The following RCAN2 variants were observed in gnomAD, a reference collection of about 807,000 sequenced individuals.
RCAN2 encodes the protein regulator of calcineurin 2, also known as calcipressin-2.
RCAN2 carries 9 observed loss-of-function variants against 23.6 expected under a neutral mutation model. The observed-to-expected ratio is 0.38, with a 90% CI of 0.23 to 0.67. The LOEUF is 0.67. RCAN2 is among the 30% of genes least tolerant of loss of function. The pLI, the probability that RCAN2 is intolerant of heterozygous loss-of-function variation, is 0.51. For synonymous variants in RCAN2, 109 were observed against 115.7 expected (o/e 0.94, Z 0.37); for missense variants, 273 against 302.3 (o/e 0.90, Z 0.72).
intron 4 of RCAN2, among the ~76,000 whole-genome samples, chr6:46,230,743 AC>A: frequency 6.6e-6 from 1 of 152,160 alleles, no homozygotes; most frequent in South Asian, 2.1e-4. Flanking sequence ...GTGATGCCCC[AC>A]CCTGCTCTGT....
At chr6:46,336,763 T>C (rs1764157074) in intron 2 of RCAN2, among the ~76,000 whole-genome samples, 1 of 152,228 alleles carries the variant, frequency 6.6e-6, no homozygotes, top group South Asian at 2.1e-4. Flanking sequence ...TTGTAAATGT[T>C]GGTGACTCCA....
intron 2 of RCAN2, among the ~76,000 whole-genome samples, chr6:46,302,815 T>C (rs1285338278): frequency 6.6e-6 from 1 of 152,052 alleles, no homozygotes; most frequent in Non-Finnish European, 1.5e-5. Context: ...TCTCATTTAG[T>C]GCTTACAACA....
At chr6:46,320,705 T>G (rs2150361836) in intron 2 of RCAN2, among the ~76,000 whole-genome samples, 1 of 152,282 alleles carries the variant, frequency 6.6e-6, no homozygotes, top group South Asian at 2.1e-4. Flanking sequence ...ATGAGTGACC[T>G]TAAAAAGGCC....
At chr6:46,359,292 A>G (rs1764928452) in intron 2 of RCAN2, among the ~76,000 whole-genome samples, 1 of 152,244 alleles carries the variant, frequency 6.6e-6, no homozygotes. Context: ...ATAGTAGCAC[A>G]GGGCTGTAAT....
chr6:46,287,005 CA>C lies in RCAN2; in HGVS notation c.226-38110del, dbSNP rs1346419245. 5.3e-3 allele frequency among the ~76,000 whole-genome samples: 733 copies of C among 139,212 alleles called. 3 individuals are homozygous for C. The highest frequency in any genetic ancestry group is 0.019 in the Admixed American group (265 of 13,970). 91.3% of individuals were successfully genotyped at this position (139,212 alleles called of 152,430 possible). On this transcript the variant is annotated intron_variant, in intron 2 of 4. Transcript: ENST00000371374. ...GGGCAACAAGAGTGAAACTCTATCTCAAAAAAAAAAAAGAAAGAAAGAGCAC... is the reference window on the plus strand; with the variant it reads ...GGGCAACAAGAGTGAAACTCTATCTCAAAAAAAAAAAGAAAGAAAGAGCAC...
rs191656034 is a variant in RCAN2, at chr6:46,288,520, A to G, written c.226-39624T>C. Among the ~76,000 whole-genome samples, 827 of 152,326 alleles carry G rather than the reference A, an allele frequency of 5.4e-3. 5 individuals carry two copies. Among genetic ancestry groups the G allele is most frequent in the African/African-American group, 0.018 (762 of 41,582 alleles). On this transcript the variant is annotated intron_variant, in intron 2 of 4. Coordinates refer to ENST00000371374, the MANE Select transcript of RCAN2 (RefSeq NM_001251974.2). Reference sequence around the variant, plus strand: ...TAATAGAGGGGAGAATCCTCAACCTATGGATGATTTGAGGCTAAACAGACT... The same window carrying G: ...TAATAGAGGGGAGAATCCTCAACCTGTGGATGATTTGAGGCTAAACAGACT...
chr6:46,414,330 A>C (rs1038882243), intron 2 of RCAN2, among the ~76,000 whole-genome samples: 11 of 152,188 alleles, frequency 7.2e-5, no homozygotes, highest in African/African-American at 2.4e-4. Context: ...AAGTGCTTAA[A>C]GTTTTCAGAC....
At chr6:46,287,890 C>T (rs1480233996) in intron 2 of RCAN2, among the ~76,000 whole-genome samples, 2 of 152,222 alleles carry the variant, frequency 1.3e-5, no homozygotes, top group Non-Finnish European at 2.9e-5. Context: ...TCCTACCTCA[C>T]TGGGTTAGTA....
intron 4 of RCAN2, among the ~76,000 whole-genome samples, chr6:46,242,263 C>A (rs2150314605): frequency 6.6e-6 from 1 of 152,286 alleles, no homozygotes; most frequent in South Asian, 2.1e-4. Flanking sequence ...TCTGAGAGGT[C>A]ACCAATATTC....
At chr6:46,347,558 A>G (rs1478974632) in intron 2 of RCAN2, among the ~76,000 whole-genome samples, 1 of 152,228 alleles carries the variant, frequency 6.6e-6, no homozygotes, top group African/African-American at 2.4e-5. Flanking sequence ...CTCAACCAAA[A>G]TGTAAAAAGT....
intron 2 of RCAN2, among the ~76,000 whole-genome samples, chr6:46,343,696 CT>C (rs1343943743): frequency 2.6e-5 from 4 of 152,090 alleles, no homozygotes; most frequent in African/African-American, 9.7e-5. Context: ...TTGATAGTAT[CT>C]TTAAAAGTTA....
At chr6:46,426,835 C>T (rs1234436464) in intron 2 of RCAN2, among the ~76,000 whole-genome samples, 1 of 152,150 alleles carries the variant, frequency 6.6e-6, no homozygotes, top group Non-Finnish European at 1.5e-5. Context: ...GTAACTTGCT[C>T]AAGGTCACAC....
At chr6:46,334,851 T>C (rs1764091395) in intron 2 of RCAN2, among the ~76,000 whole-genome samples, 1 of 152,224 alleles carries the variant, frequency 6.6e-6, no homozygotes, top group South Asian at 2.1e-4. Context: ...CCAAGAGTTT[T>C]ATCCCTGCCT....
chr6:46,486,992 G>C (rs1360438442), intron 1 of RCAN2, among the ~76,000 whole-genome samples: 2 of 152,080 alleles, frequency 1.3e-5, no homozygotes, highest in Non-Finnish European at 2.9e-5. Context: ...ATGACACCTA[G>C]AGTTGGTAAC....
chr6:46,372,574 C>A (rs1765351263), intron 2 of RCAN2, among the ~76,000 whole-genome samples: 4 of 152,172 alleles, frequency 2.6e-5, no homozygotes, highest in Admixed American at 2.6e-4. Context: ...CTAAAGGATT[C>A]CTTTTCCTAG....
rs1765457296 is a variant in RCAN2 at position 46,220,969 on chromosome 6, C to T, written c.*2172G>A. On this transcript the variant is annotated 3_prime_UTR_variant, in exon 5 of 5. Coordinates refer to ENST00000371374, the MANE Select transcript of RCAN2 (RefSeq NM_001251974.2). ...AGGAGTCTTTCCATTTCTTATCGTT[C>T]TCCTAGGAAAAGCCCCTCTTTTCCC... The T allele has an allele frequency of 6.6e-6, 1 of 152,588 alleles. No individual in the cohort carries two copies. The highest frequency in any genetic ancestry group is 1.5e-5 in the Non-Finnish European group (1 of 68,032). The allele number at this position is 152,588 out of a possible 1,614,324, so 9.5% of individuals were successfully genotyped here. A position where few individuals can be genotyped will look rare whatever the true frequency, so the allele number is the denominator to read the frequency against.
intron 2 of RCAN2, among the ~76,000 whole-genome samples, chr6:46,286,572 A>G (rs1296788249): frequency 6.6e-6 from 1 of 152,190 alleles, no homozygotes; most frequent in African/African-American, 2.4e-5. Context: ...ATAAAGATGG[A>G]CTATCCAGGC....
intron 2 of RCAN2, among the ~76,000 whole-genome samples, chr6:46,416,010 G>A (rs988654440): frequency 1.3e-5 from 2 of 152,088 alleles, no homozygotes; most frequent in African/African-American, 4.8e-5. Context: ...TTGTTGTTAT[G>A]CTGTATTGTT....
intron 2 of RCAN2, among the ~76,000 whole-genome samples, chr6:46,319,028 T>C (rs1009439): frequency 0.95 from 144,240 of 152,292 alleles, 68,488 homozygotes; most frequent in Middle Eastern, 0.98. Context: ...ATTTTTGAAA[T>C]AGTTTAGCTT....
Sources: gnomAD v4.1 joint callset for allele counts (sites outside exome capture counted in the v4.1 genomes callset) on GRCh38, gnomAD v4.1.1 for gene constraint, MANE v1.5 for transcripts, NCBI Gene and HGNC (gene_info 2026-07-23, HGNC 2026-07-21) for gene names.